The following PCNX2 variants were observed in gnomAD, a reference collection of about 807,000 sequenced individuals.
PCNX2 encodes pecanex 2, also known as pecanex-like protein 2.
Under a neutral mutation model 223.8 loss-of-function variants are expected in PCNX2, and 168 were observed. The observed-to-expected ratio is 0.75, with a 90% CI of 0.66 to 0.85. PCNX2 has a LOEUF of 0.85. Ranked by LOEUF, PCNX2 falls within the 40% of genes least tolerant of loss-of-function variation. The pLI, the probability that PCNX2 is intolerant of heterozygous loss-of-function variation, is 0.00. For missense variants in PCNX2, 2,507 were observed against 2,675.5 expected, an observed-to-expected ratio of 0.94 and a Z score of 1.39; for synonymous variants, 1,006 against 1,052.6, an observed-to-expected ratio of 0.96 and a Z score of 0.86.
At chr1:233,149,361 C>G (rs1255582091) in intron 19 of PCNX2, among the ~76,000 whole-genome samples, 2 of 152,142 alleles carry the variant, frequency 1.3e-5, no homozygotes, top group African/African-American at 4.8e-5. Context: ...ATGTTTTCAG[C>G]TTTAGAAAGA....
chr1:233,194,629 T>C (rs188078537), intron 15 of PCNX2, among the ~76,000 whole-genome samples: 261 of 152,268 alleles, frequency 1.7e-3, no homozygotes, highest in African/African-American at 6.0e-3. Flanking sequence ...TAAGCTATTT[T>C]ATGTGAGCTC....
At chr1:233,326,415 C>T in the PCNX2 span, among the ~76,000 whole-genome samples, 1 of 151,734 alleles carries the variant, frequency 6.6e-6, no homozygotes, top group African/African-American at 2.4e-5. Context: ...CATTTTTGAC[C>T]AGCTGTTGGT....
At chr1:233,072,872 G>A (rs939726973) in intron 23 of PCNX2, among the ~76,000 whole-genome samples, 10 of 152,144 alleles carry the variant, frequency 6.6e-5, no homozygotes, top group African/African-American at 2.4e-4. Flanking sequence ...TGGCTTTGGT[G>A]TCAGGATGAT....
intron 1 of PCNX2, among the ~76,000 whole-genome samples, chr1:233,268,478 G>A (rs1202181339): frequency 1.3e-5 from 2 of 152,124 alleles, no homozygotes; most frequent in Non-Finnish European, 2.9e-5. Flanking sequence ...ACCTCATAAG[G>A]GTACTTTATC....
At chr1:233,291,565 G>A (rs1209084795) in intron 1 of PCNX2, 10 of 623,248 alleles carry the variant, frequency 1.6e-5, no homozygotes, top group Non-Finnish European at 2.0e-5. Context: ...CCGAGATTGC[G>A]CCATTGCACT....
At chr1:233,146,119 G>A (rs1051575409) in intron 19 of PCNX2, among the ~76,000 whole-genome samples, 7 of 152,152 alleles carry the variant, frequency 4.6e-5, no homozygotes, top group Non-Finnish European at 8.8e-5. Flanking sequence ...TAGCTTCAAC[G>A]CAAAGAATGT....
intron 12 of PCNX2, among the ~76,000 whole-genome samples, chr1:233,210,300 C>T (rs115435685): frequency 0.013 from 2,024 of 151,816 alleles, 24 homozygotes; most frequent in South Asian, 0.044. Flanking sequence ...TTTTTGAGAC[C>T]GAGTCTCACT....
At chr1:233,249,462 T>C (rs963269510) in intron 8 of PCNX2, among the ~76,000 whole-genome samples, 5 of 152,232 alleles carry the variant, frequency 3.3e-5, no homozygotes, top group African/African-American at 1.2e-4. Flanking sequence ...TCATAACGTC[T>C]AGAATGTCCT....
chr1:233,180,541 T>C (rs866005842), intron 15 of PCNX2, among the ~76,000 whole-genome samples: 3 of 152,262 alleles, frequency 2.0e-5, no homozygotes, highest in Middle Eastern at 3.4e-3. Context: ...GATGGGTTAA[T>C]TGTGGTGCTT....
the PCNX2 span, among the ~76,000 whole-genome samples, chr1:233,321,013 C>CA: frequency 2.8e-5 from 2 of 70,364 alleles, no homozygotes; most frequent in Admixed American, 2.1e-4. Flanking sequence ...AAAATGTCTT[C>CA]TTTTTTTTTT....
intron 21 of PCNX2, among the ~76,000 whole-genome samples, chr1:233,121,714 T>G (rs1675805964): frequency 6.6e-6 from 1 of 152,312 alleles, no homozygotes; most frequent in African/African-American, 2.4e-5. Flanking sequence ...AATGGAAAGT[T>G]ACAGCAAACA....
chr1:233,203,222 G>A (rs1558339283), intron 13 of PCNX2, among the ~76,000 whole-genome samples: 1 of 152,082 alleles, frequency 6.6e-6, no homozygotes, highest in Non-Finnish European at 1.5e-5. Context: ...CTCTAGTTTT[G>A]TTACTGCTCC....
chr1:233,064,611 G>A (rs1330320000), intron 23 of PCNX2, among the ~76,000 whole-genome samples: 2 of 152,060 alleles, frequency 1.3e-5, no homozygotes, highest in South Asian at 2.1e-4. Flanking sequence ...TCACAGCCCC[G>A]ACCCACCACC....
chr1:233,009,618 C>G (rs1558159681), intron 28 of PCNX2, among the ~76,000 whole-genome samples: 1 of 152,188 alleles, frequency 6.6e-6, no homozygotes, highest in African/African-American at 2.4e-5. Context: ...ATAAGCCCGG[C>G]CTGATGACCA....
chr1:233,213,793 TTACA>T (rs1681959110), intron 12 of PCNX2, among the ~76,000 whole-genome samples: 1 of 150,390 alleles, frequency 6.6e-6, no homozygotes, highest in South Asian at 2.1e-4. Flanking sequence ...ACCAGGCATA[TTACA>T]TACATTGCCC....
intron 1 of PCNX2, chr1:233,289,506 TTAAGCAACTCC>T: frequency 1.4e-6 from 1 of 740,542 alleles, no homozygotes; most frequent in Non-Finnish European, 2.4e-6. Context: ...AGGATGCCTT[TTAAGCAACTCC>T]ATGCTGCAGG....
At chr1:233,285,150 T>C (rs1433998599) in intron 1 of PCNX2, 1 of 278,932 alleles carries the variant, frequency 3.6e-6, no homozygotes, top group Admixed American at 6.5e-5. Context: ...GCCAGGAGTT[T>C]GACACCAGCC....
intron 12 of PCNX2, among the ~76,000 whole-genome samples, chr1:233,213,878 G>C (rs1681970737): frequency 1.4e-5 from 2 of 139,142 alleles, no homozygotes; most frequent in Non-Finnish European, 3.0e-5. Flanking sequence ...CCCAGGGCTG[G>C]AGTGTAGTGG....
intron 21 of PCNX2, among the ~76,000 whole-genome samples, chr1:233,121,867 C>T (rs1245831243): frequency 3.3e-5 from 5 of 152,152 alleles, no homozygotes; most frequent in South Asian, 2.1e-4. Context: ...AGATGATATA[C>T]ACACATATAT....
Sources: allele counts gnomAD v4.1 joint callset (sites outside exome capture counted in the v4.1 genomes callset), GRCh38; gene constraint gnomAD v4.1.1; transcripts MANE v1.5; gene names NCBI Gene and HGNC (gene_info 2026-07-23, HGNC 2026-07-21).